PRKN: variants seen among roughly 807,000 people sequenced by gnomAD.
PRKN encodes the protein E3 ubiquitin-protein ligase parkin.
PRKN carries 56 observed loss-of-function variants against 59.5 expected under a neutral mutation model. The ratio of observed to expected loss-of-function variants is 0.94; its 90% CI spans 0.76 to 1.18. PRKN has a LOEUF of 1.18. Ranked by LOEUF, PRKN falls within the 50% of genes most tolerant of loss-of-function variation. The pLI, the probability that PRKN is intolerant of heterozygous loss-of-function variation, is 0.00. For synonymous variants in PRKN, 250 were observed against 222.1 expected, an observed-to-expected ratio of 1.13 and a Z score of -1.12; for missense variants, 657 against 596.4, an observed-to-expected ratio of 1.10 and a Z score of -1.06.
At chr6:161,973,491 A>C (rs1780906092) in intron 5 of PRKN, 74 bp from the exon 6 acceptor site, 7 of 810,532 alleles carry the variant, frequency 8.6e-6, no homozygotes, top group Non-Finnish European at 1.5e-5. Context: ...TTCCACAGTA[A>C]ACAATCTCTT....
chr6:162,430,602 T>TA (rs1789473789), intron 2 of PRKN, among the ~76,000 whole-genome samples: 2 of 152,124 alleles, frequency 1.3e-5, no homozygotes, highest in African/African-American at 4.8e-5. Context: ...TATATATATC[T>TA]TGTAAAAACA....
At chr6:162,590,252 T>C (rs1781248673) in intron 1 of PRKN, among the ~76,000 whole-genome samples, 1 of 152,206 alleles carries the variant, frequency 6.6e-6, no homozygotes. Context: ...TGTCTAATAG[T>C]AATATATTTT....
chr6:162,531,551 A>C (rs1039570229), intron 1 of PRKN, among the ~76,000 whole-genome samples: 2 of 152,062 alleles, frequency 1.3e-5, no homozygotes, highest in Admixed American at 1.3e-4. Context: ...TCCTGCATTC[A>C]GTCAGTTCCT....
Position 161,785,780 on chromosome 6 carries a change from G to T in PRKN, c.863C>A (p.Pro288His), listed in dbSNP as rs1477642410. ...AAACATGCTAGACTTACCCACACAA[G>T]GCAGGGAGTAGCCAAGTTGAGGGTC... ...VHDPQLGYSL[P>H]CVAGCPNSLI... Residue 288 changes from proline to histidine, a missense_variant, in exon 7 of 12, where the codon CCT becomes CAT. Physicochemically the swap from Pro to His is moderately conservative, Grantham distance 77 (BLOSUM62 -2). Transcript: ENST00000366898. 6.2e-7 allele frequency: 1 copy of T among 1,613,894 alleles called. No homozygotes were observed. Among genetic ancestry groups the T allele is most frequent in the Non-Finnish European group, 8.5e-7 (1 of 1,179,902 alleles).
intron 7 of PRKN, among the ~76,000 whole-genome samples, chr6:161,728,466 A>G (rs556780513): frequency 6.6e-6 from 1 of 152,286 alleles, no homozygotes; most frequent in African/African-American, 2.4e-5. Context: ...GTTGAGAGGA[A>G]GAGGGGCTTG....
At chr6:161,796,101 A>G (rs981352357) in intron 6 of PRKN, among the ~76,000 whole-genome samples, 33 of 152,216 alleles carry the variant, frequency 2.2e-4, no homozygotes, top group African/African-American at 7.0e-4. Context: ...CATTGACAAT[A>G]AACTGGCTAC....
intron 5 of PRKN, among the ~76,000 whole-genome samples, chr6:161,986,909 G>A (rs1024904981): frequency 6.6e-6 from 1 of 152,092 alleles, no homozygotes; most frequent in Admixed American, 6.6e-5. Flanking sequence ...TGGTTTGTTG[G>A]CTATGAGCAA....
chr6:162,370,287 T>C (rs1435618963), intron 2 of PRKN, among the ~76,000 whole-genome samples: 2 of 152,162 alleles, frequency 1.3e-5, no homozygotes, highest in African/African-American at 2.4e-5. Context: ...CATGGAGATA[T>C]ATCTCATTGA....
rs1242691829 is a variant in PRKN at position 161,357,841 on chromosome 6, C to A, written c.1285+2247G>T. Among the ~76,000 whole-genome samples the A allele has an allele frequency of 1.3e-5, 2 of 152,232 alleles. No individual in the cohort carries two copies. Among genetic ancestry groups the A allele is most frequent in the African/African-American group, 4.8e-5 (2 of 41,462 alleles). ...ACGAATCAGAGCACGTCTCACGGAG[C>A]GTGTTTGATGCACCGTCTCTGTTAC... On this transcript the variant is annotated intron_variant, in intron 11 of 11. Transcript: ENST00000366898. This position sits in a 1 kb window ranked among gnomAD's most constrained non-coding sequence, Gnocchi z 5.5.
chr6:161,567,810 T>C (rs975396280), intron 8 of PRKN, among the ~76,000 whole-genome samples: 54 of 152,298 alleles, frequency 3.5e-4, no homozygotes, highest in African/African-American at 1.3e-3. Flanking sequence ...CTGCAAATAT[T>C]GGTACAAGTT....
At chr6:162,318,100 A>C (rs1432386750) in intron 2 of PRKN, among the ~76,000 whole-genome samples, 1 of 151,984 alleles carries the variant, frequency 6.6e-6, no homozygotes, top group African/African-American at 2.4e-5. Context: ...GGCCCTGGTA[A>C]CTGCTATTCT....
chr6:162,396,058 G>A (rs1471549708), intron 2 of PRKN, among the ~76,000 whole-genome samples: 1 of 152,108 alleles, frequency 6.6e-6, no homozygotes, highest in Non-Finnish European at 1.5e-5. Context: ...AAAGCGAATC[G>A]AATCATTTCT....
At chr6:161,408,730 C>T (rs1482059279) in intron 9 of PRKN, among the ~76,000 whole-genome samples, 1 of 151,502 alleles carries the variant, frequency 6.6e-6, no homozygotes, top group Non-Finnish European at 1.5e-5. Flanking sequence ...TGTTTTGTCC[C>T]CATACAATGT....
rs564854991 is a variant in PRKN at position 162,670,041 on chromosome 6, T to G, written c.7+57621A>C. Among the ~76,000 whole-genome samples, 61 of 152,320 alleles carry G rather than the reference T, an allele frequency of 4.0e-4. 1 individual carries two copies. The highest frequency in any genetic ancestry group is 1.4e-3 in the African/African-American group (59 of 41,590). On this transcript the variant is annotated intron_variant, in intron 1 of 11. Coordinates refer to ENST00000366898, the MANE Select transcript of PRKN (RefSeq NM_004562.3). ...TTTCCTTCCTTTGTGCTGCTAAACATTTGACAAACCTAAAAGTATCCTTGG... is the reference window on the plus strand; with the variant it reads ...TTTCCTTCCTTTGTGCTGCTAAACAGTTGACAAACCTAAAAGTATCCTTGG...
intron 2 of PRKN, among the ~76,000 whole-genome samples, chr6:162,281,915 CCACCTCAGATCATCAGG>C (rs71690919): frequency 0.072 from 10,958 of 152,156 alleles, 1,094 homozygotes; most frequent in East Asian, 0.5. Context: ...TGAAACTGGT[CCACCTCAGATCATCAGG>C]CATTAGTTAG....
At chr6:161,608,660 G>A (rs1036151031) in intron 7 of PRKN, among the ~76,000 whole-genome samples, 1 of 151,786 alleles carries the variant, frequency 6.6e-6, no homozygotes, top group Admixed American at 6.6e-5. Flanking sequence ...AGCCTCCAGC[G>A]TAGCTGGGAT....
chr6:162,031,528 TTTTCTTTTTC>T (rs1167599806), intron 5 of PRKN, among the ~76,000 whole-genome samples: 2 of 134,856 alleles, frequency 1.5e-5, no homozygotes, highest in African/African-American at 7.0e-5. Context: ...TTTCTTTTTC[TTTTCTTTTTC>T]TTTTTTTTTT....
At chr6:162,519,058 T>A (rs1418558945) in intron 1 of PRKN, among the ~76,000 whole-genome samples, 1 of 152,040 alleles carries the variant, frequency 6.6e-6, no homozygotes, top group Admixed American at 6.6e-5. Flanking sequence ...TAGTCCCAGC[T>A]ACTTGGGAGG....
chr6:162,374,458 G>T (rs568277021), intron 2 of PRKN, among the ~76,000 whole-genome samples: 13 of 151,192 alleles, frequency 8.6e-5, no homozygotes, highest in Non-Finnish European at 4.4e-5. Flanking sequence ...AGTTTGGTTT[G>T]GTCTGGTCGG....
Sources: gnomAD v4.1 joint callset for allele counts (sites outside exome capture counted in the v4.1 genomes callset) on GRCh38, gnomAD v4.1.1 for gene constraint, Gnocchi (gnomAD v3.1) non-coding constraint, MANE v1.5 for transcripts, NCBI Gene and HGNC (gene_info 2026-07-23, HGNC 2026-07-21) for gene names.